The following ANK1 variants were observed in gnomAD, a reference collection of about 807,000 sequenced individuals.
The protein encoded by ANK1 is ankyrin-1.
Under a neutral mutation model 210.4 loss-of-function variants are expected in ANK1, and 51 were observed. That is an observed-to-expected ratio of 0.24 (90% CI 0.19 to 0.31). The LOEUF is 0.31. Ranked by LOEUF, ANK1 falls within the 10% of genes least tolerant of loss-of-function variation. ANK1 has a pLI of 1.00. For missense variants in ANK1, 2,051 were observed against 2,504.4 expected, an observed-to-expected ratio of 0.82 and a Z score of 3.86; for synonymous variants, 967 against 1,025.9, an observed-to-expected ratio of 0.94 and a Z score of 1.10.
intron 2 of ANK1, among the ~76,000 whole-genome samples, chr8:41,755,922 G>A (rs1232850341): frequency 1.3e-5 from 2 of 152,188 alleles, no homozygotes; most frequent in Admixed American, 6.5e-5. Flanking sequence ...GCAAATTCCA[G>A]TCAGGTCCAC....
At chr8:41,841,787 G>C (rs972823159) in intron 1 of ANK1, among the ~76,000 whole-genome samples, 2 of 152,316 alleles carry the variant, frequency 1.3e-5, no homozygotes, top group African/African-American at 4.8e-5. Flanking sequence ...CAAGACGGCT[G>C]CCCCTCTCTC....
Position 41,758,198 on chromosome 8 carries a change from T to G in ANK1, c.28-61A>C, listed in dbSNP as rs551540373. The stretch of plus-strand genomic sequence containing the variant: ...GTGTATTAATGACTTCTCCACCCCG[T>G]TCAAGTCCCAGGCCCCCGCAGCAGC... On this transcript the variant is annotated intron_variant, in intron 1 of 42. Coordinates refer to ENST00000289734, the MANE Select transcript of ANK1 (RefSeq NM_000037.4). The G allele has an allele frequency of 9.5e-6, 14 of 1,474,326 alleles. 1 individual carries two copies. In the Admixed American group the frequency reaches 2.3e-4, roughly 25 times the overall value. 91.3% of individuals were successfully genotyped at this position (1,474,326 alleles called of 1,614,324 possible).
At position 41,714,182 on chromosome 8, in the gene ANK1, C is replaced by A; in HGVS notation, c.1774G>T (p.Gly592Cys). ...LDIVKLLLPR[G>C]GSPHSPAWNG... is the part of the protein sequence containing the mutation. The stretch of plus-strand genomic sequence containing the variant: ...CAGGCAGGGCTGTGCGGGGAGCCGC[C>A]CCGGGGAAGCAGCAGCTTGACGATG... The change falls in exon 16 of 43, where the codon GGC (glycine) becomes TGC (cysteine). Residue 592 changes from glycine to cysteine, a missense_variant. By Grantham distance (159) the Gly-to-Cys change is radical. Transcript: ENST00000289734. 5 of 1,459,694 alleles carry A rather than the reference C, an allele frequency of 3.4e-6. No individual in the cohort carries two copies. Among genetic ancestry groups the A allele is most frequent in the Non-Finnish European group, 3.7e-6 (4 of 1,090,042 alleles). The allele number at this position is 1,459,694 out of a possible 1,614,324, so 90.4% of individuals were successfully genotyped here. A position where few individuals can be genotyped will look rare whatever the true frequency, so the allele number is the denominator to read the frequency against.
intron 42 of ANK1, chr8:41,660,391 T>G: frequency 2.1e-6 from 1 of 469,544 alleles, no homozygotes. Flanking sequence ...TGGTTAGTGC[T>G]GCACTGGGGC....
chr8:41,786,959 T>C (rs982138162), intron 1 of ANK1, among the ~76,000 whole-genome samples: 2 of 152,322 alleles, frequency 1.3e-5, no homozygotes, highest in South Asian at 2.1e-4. Flanking sequence ...CACAGCAAGG[T>C]TGACATGTTT....
intron 15 of ANK1, among the ~76,000 whole-genome samples, 158 bp downstream of exon 15, chr8:41,714,818 C>T (rs1827166540): frequency 6.6e-6 from 1 of 151,928 alleles, no homozygotes; most frequent in South Asian, 2.1e-4. Context: ...TGTGATGGCA[C>T]CACTGCACTC....
Position 41,725,666 on chromosome 8 carries a change from G to A in ANK1, c.612+95C>T, listed in dbSNP as rs1166782532. The A allele has an allele frequency of 5.2e-5, 79 of 1,509,842 alleles. 1 individual carries two copies. The South Asian group carries it at 7.9e-4, about 15-fold the overall frequency. The allele number at this position is 1,509,842 out of a possible 1,614,324, so 93.5% of individuals were successfully genotyped here. On this transcript the variant is annotated intron_variant, in intron 6 of 42. Transcript: ENST00000289734. ...TGCGCACTGCCCGCCCTGCACGCTCGGTTCTCCTGCCTGGGAAGTCGCTGG... is the reference window on the plus strand; with the variant it reads ...TGCGCACTGCCCGCCCTGCACGCTCAGTTCTCCTGCCTGGGAAGTCGCTGG...
chr8:41,850,740 C>A (rs940356871), intron 1 of ANK1, among the ~76,000 whole-genome samples: 1 of 152,222 alleles, frequency 6.6e-6, no homozygotes, highest in Non-Finnish European at 1.5e-5. Context: ...CCTTGGCCTC[C>A]CAAAGTGCTG....
At chr8:41,714,329 G>T in intron 15 of ANK1, 75 bp from the exon 16 acceptor site, 1 of 1,161,408 alleles carries the variant, frequency 8.6e-7, no homozygotes, top group South Asian at 1.8e-5. Flanking sequence ...TTAGGCATGG[G>T]AGCACCTATT....
intron 1 of ANK1, among the ~76,000 whole-genome samples, chr8:41,836,061 C>G (rs1477542563): frequency 1.3e-5 from 2 of 152,142 alleles, no homozygotes; most frequent in African/African-American, 4.8e-5. Flanking sequence ...ATGTTCAGGT[C>G]GGGGTGGCGA....
chr8:41,840,259 G>C (rs1808622298), intron 1 of ANK1: 1 of 152,016 alleles, frequency 6.6e-6, no homozygotes, highest in African/African-American at 2.4e-5. Flanking sequence ...GCATCTGATT[G>C]ACATAGCGCA....
chr8:41,700,917 C>T (rs541078480), intron 22 of ANK1, among the ~76,000 whole-genome samples: 1 of 152,206 alleles, frequency 6.6e-6, no homozygotes, highest in African/African-American at 2.4e-5. Flanking sequence ...TGTGCACCAC[C>T]ACACCCTGCT....
intron 1 of ANK1, among the ~76,000 whole-genome samples, chr8:41,850,874 G>A (rs372631830): frequency 6.6e-6 from 1 of 152,234 alleles, no homozygotes; most frequent in Non-Finnish European, 1.5e-5. Flanking sequence ...AGCCAGGAGC[G>A]AAGCCCAGGT....
intron 4 of ANK1, 24 bp from the exon 5 acceptor site, chr8:41,727,372 T>C (rs1291042906): frequency 3.8e-6 from 6 of 1,562,336 alleles, no homozygotes; most frequent in Non-Finnish European, 5.3e-6. Context: ...GAGGACATCA[T>C]TAGCATCCAC....
At chr8:41,816,170 C>T (rs113673781) in intron 1 of ANK1, among the ~76,000 whole-genome samples, 3,669 of 152,276 alleles carry the variant, frequency 0.024, 80 homozygotes, top group African/African-American at 0.048. Context: ...CATCATTTCA[C>T]GCTATTTCCA....
At chr8:41,880,062 T>C (rs912451772) in intron 1 of ANK1, among the ~76,000 whole-genome samples, 5 of 152,252 alleles carry the variant, frequency 3.3e-5, no homozygotes, top group Admixed American at 1.3e-4. Flanking sequence ...TCTAGCCCGC[T>C]GCCCATTTTT....
chr8:41,775,662 T>C (rs1415278867), intron 1 of ANK1, among the ~76,000 whole-genome samples: 1 of 152,170 alleles, frequency 6.6e-6, no homozygotes, highest in African/African-American at 2.4e-5. Context: ...AGAATATCAC[T>C]TGAGGCCAGG....
At chr8:41,868,522 C>G (rs760807711) in intron 1 of ANK1, among the ~76,000 whole-genome samples, 7 of 152,190 alleles carry the variant, frequency 4.6e-5, no homozygotes, top group South Asian at 2.1e-4. Context: ...AGACAATGTA[C>G]GAAATCTCAT....
intron 1 of ANK1, among the ~76,000 whole-genome samples, chr8:41,882,755 T>G (rs1416452571): frequency 6.6e-6 from 1 of 152,268 alleles, no homozygotes; most frequent in African/African-American, 2.4e-5. Flanking sequence ...TTGCCTTAGT[T>G]GCTTTCCAGG....
Sources: gnomAD v4.1 joint callset for allele counts (sites outside exome capture counted in the v4.1 genomes callset) on GRCh38, gnomAD v4.1.1 for gene constraint, MANE v1.5 for transcripts, NCBI Gene and HGNC (gene_info 2026-07-23, HGNC 2026-07-21) for gene names.